The following GTF2E1 variants were observed in gnomAD, a reference collection of about 807,000 sequenced individuals.
GTF2E1 encodes the protein TFIIE alpha subunit.
GTF2E1 carries 14 observed loss-of-function variants against 34.9 expected under a neutral mutation model. The ratio of observed to expected loss-of-function variants is 0.40; its 90% CI spans 0.27 to 0.63. GTF2E1 has a LOEUF of 0.63. Among genes scored for constraint, GTF2E1 ranks in the 20% least tolerant of loss-of-function variants. GTF2E1 has a pLI of 0.39. For synonymous variants in GTF2E1, 188 were observed against 192.9 expected (o/e 0.97, Z 0.21); for missense variants, 469 against 557.7 (o/e 0.84, Z 1.60).
In GTF2E1 at chr3:120,750,955, A is replaced by T; in HGVS notation, c.403A>T (p.Thr135Ser). 6.2e-7 allele frequency: 1 copy of T among 1,613,868 alleles called. No individual in the cohort carries two copies. The highest frequency in any genetic ancestry group is 1.1e-5 in the South Asian group (1 of 91,074). ...ASFKCPVCSS[T>S]FTDLEANQLF... The stretch of plus-strand genomic sequence containing the variant: ...CTTCAAATGTCCTGTCTGTAGTAGT[A>T]CTTTCACAGACTTAGAAGCTAATCA... Residue 135 changes from threonine to serine, a missense_variant, in exon 2 of 5, where the codon ACT (threonine) becomes TCT (serine). Transcript: ENST00000283875.
intron 1 of GTF2E1, among the ~76,000 whole-genome samples, chr3:120,745,118 T>C (rs1191147108): frequency 6.6e-6 from 1 of 152,164 alleles, no homozygotes; most frequent in Non-Finnish European, 1.5e-5. Context: ...CCTAGGCTTG[T>C]CTTCAACTTC....
intron 2 of GTF2E1, among the ~76,000 whole-genome samples, chr3:120,756,928 AAAAC>A (rs869040964): frequency 6.6e-5 from 10 of 152,296 alleles, no homozygotes; most frequent in South Asian, 2.1e-4. Context: ...TTCATCTCAG[AAAAC>A]AAACAAACAA....
At chr3:120,755,888 AT>A (rs1370806414) in intron 2 of GTF2E1, among the ~76,000 whole-genome samples, 1 of 152,138 alleles carries the variant, frequency 6.6e-6, no homozygotes, top group South Asian at 2.1e-4. Context: ...TGCCTGGCTT[AT>A]TTCACTTAAC....
intron 3 of GTF2E1, among the ~76,000 whole-genome samples, chr3:120,773,522 G>A (rs1316957687): frequency 3.3e-5 from 5 of 152,128 alleles, no homozygotes; most frequent in Non-Finnish European, 7.4e-5. Context: ...CCCAAGAATT[G>A]ATGGACAATT....
intron 1 of GTF2E1, among the ~76,000 whole-genome samples, chr3:120,743,608 G>A (rs1458277663): frequency 2.0e-5 from 3 of 152,208 alleles, no homozygotes; most frequent in Non-Finnish European, 2.9e-5. Context: ...CATGGAACAC[G>A]TGAAAGGGGA....
chr3:120,770,321 T>G (rs1413142109), intron 2 of GTF2E1, among the ~76,000 whole-genome samples: 3 of 152,190 alleles, frequency 2.0e-5, no homozygotes, highest in Non-Finnish European at 4.4e-5. Flanking sequence ...CTCTTGGTTT[T>G]AGGTATTTAT....
rs748927776 is a variant in GTF2E1, at chr3:120,750,505, GT to G, written c.-30-9del. ...TGTTCTTATACCTGGCTAATTTTCT[GT>G]TTTTTTTTGAATTCAGTATATTTAA... is the stretch of plus-strand genomic sequence containing the variant. On this transcript the variant is annotated splice_polypyrimidine_tract_variant and intron_variant, in intron 1 of 4. Transcript: ENST00000283875. 439 of 1,433,844 alleles carry G rather than the reference GT, an allele frequency of 3.1e-4. No individual in the cohort carries two copies. The highest frequency in any genetic ancestry group is 3.8e-4 in the Non-Finnish European group (397 of 1,038,940). 88.8% of individuals were successfully genotyped at this position (1,433,844 alleles called of 1,614,324 possible).
chr3:120,775,166 G>A (rs760131798), intron 3 of GTF2E1, among the ~76,000 whole-genome samples: 1 of 152,180 alleles, frequency 6.6e-6, no homozygotes, highest in Non-Finnish European at 1.5e-5. Flanking sequence ...AAGGGAGTAA[G>A]CAGAGATGAA....
At chr3:120,754,314 A>G (rs1576357012) in intron 2 of GTF2E1, among the ~76,000 whole-genome samples, 1 of 152,314 alleles carries the variant, frequency 6.6e-6, no homozygotes, top group Middle Eastern at 3.4e-3. Flanking sequence ...GAAGAGAAAA[A>G]AATCACCCAC....
rs753599764 is a variant in GTF2E1, at chr3:120,770,889, C to A, written c.610C>A (p.Leu204Ile). The A allele has an allele frequency of 6.2e-7, 1 of 1,613,574 alleles. No individual in the cohort carries two copies. The highest frequency in any genetic ancestry group is 1.1e-5 in the South Asian group (1 of 91,078). ...TEDVNLAYEI[L>I]EPEPTEIPAL... ...GGATGTGAACTTGGCCTATGAAATACTTGAGCCAGAACCCACAGAAATCCC... is the reference window on the plus strand; with the variant it reads ...GGATGTGAACTTGGCCTATGAAATAATTGAGCCAGAACCCACAGAAATCCC... Residue 204 changes from leucine to isoleucine, a missense_variant, in exon 3 of 5, where the codon CTT (leucine) becomes ATT (isoleucine). Coordinates refer to ENST00000283875, the MANE Select transcript of GTF2E1 (RefSeq NM_005513.3).
intron 2 of GTF2E1, among the ~76,000 whole-genome samples, chr3:120,766,473 A>G (rs2107610466): frequency 6.6e-6 from 1 of 152,118 alleles, no homozygotes; most frequent in South Asian, 2.1e-4. Context: ...GTTTTTTATC[A>G]TTCTTTTTGA....
chr3:120,774,123 A>G (rs371554305), intron 3 of GTF2E1, among the ~76,000 whole-genome samples: 1 of 152,186 alleles, frequency 6.6e-6, no homozygotes, highest in Admixed American at 6.5e-5. Context: ...AAAGATAAGG[A>G]TGTGGTTGGC....
At chr3:120,761,304 C>T (rs558220274) in intron 2 of GTF2E1, among the ~76,000 whole-genome samples, 1 of 152,110 alleles carries the variant, frequency 6.6e-6, no homozygotes, top group South Asian at 2.1e-4. Context: ...TTTGATTCTT[C>T]TCTCTTTTCT....
intron 2 of GTF2E1, among the ~76,000 whole-genome samples, chr3:120,764,120 A>G (rs940076288): frequency 6.6e-6 from 1 of 152,114 alleles, no homozygotes; most frequent in African/African-American, 2.4e-5. Flanking sequence ...ACATTGTTAT[A>G]TGAGAGAGGC....
intron 2 of GTF2E1, among the ~76,000 whole-genome samples, chr3:120,751,253 G>A (rs1272401229): frequency 1.3e-5 from 2 of 152,040 alleles, no homozygotes; most frequent in Non-Finnish European, 2.9e-5. Context: ...ACCCCACCTT[G>A]TTTACAACTG....
At chr3:120,758,755 C>CT (rs1709232101) in intron 2 of GTF2E1, among the ~76,000 whole-genome samples, 1 of 152,110 alleles carries the variant, frequency 6.6e-6, no homozygotes, top group Non-Finnish European at 1.5e-5. Context: ...ATGAACTTAT[C>CT]TTTTTTATGG....
chr3:120,764,744 A>G (rs1219500611), intron 2 of GTF2E1, among the ~76,000 whole-genome samples: 1 of 152,186 alleles, frequency 6.6e-6, no homozygotes, highest in African/African-American at 2.4e-5. Flanking sequence ...GTACTTGTCA[A>G]ACTCAAGAGA....
chr3:120,760,021 A>G (rs1709246109), intron 2 of GTF2E1, among the ~76,000 whole-genome samples: 1 of 152,170 alleles, frequency 6.6e-6, no homozygotes, highest in South Asian at 2.1e-4. Flanking sequence ...TCTATAAATT[A>G]CCTTGGACAG....
chr3:120,767,689 C>T (rs746735737), intron 2 of GTF2E1, among the ~76,000 whole-genome samples: 1 of 152,116 alleles, frequency 6.6e-6, no homozygotes, highest in Non-Finnish European at 1.5e-5. Flanking sequence ...TGTTAGCTTA[C>T]AAGTAGGGTA....
Sources: gnomAD v4.1 joint callset for allele counts (sites outside exome capture counted in the v4.1 genomes callset) on GRCh38, gnomAD v4.1.1 for gene constraint, MANE v1.5 for transcripts, NCBI Gene and HGNC (gene_info 2026-07-23, HGNC 2026-07-21) for gene names.